NAV3: variants seen among roughly 807,000 people sequenced by gnomAD.
NAV3 encodes the protein neuron navigator 3, also known as pore membrane and/or filament interacting like protein 1.
In NAV3, 87 loss-of-function variants were observed where a neutral mutation model predicts 244.7. That is an observed-to-expected ratio of 0.36 (90% CI 0.30 to 0.42). The LOEUF (loss-of-function observed/expected upper bound fraction) is 0.42, where lower values mean the gene tolerates loss of function less well. Ranked by LOEUF, NAV3 falls within the 20% of genes least tolerant of loss-of-function variation. The pLI is 1.00. For synonymous variants in NAV3, 1,126 were observed against 1,042.2 expected, an observed-to-expected ratio of 1.08 and a Z score of -1.55; for missense variants, 2,663 against 2,893.3, an observed-to-expected ratio of 0.92 and a Z score of 1.83.
chr12:78,022,391 T>C (rs1877311206), intron 9 of NAV3, among the ~76,000 whole-genome samples: 1 of 152,192 alleles, frequency 6.6e-6, no homozygotes, highest in East Asian at 1.9e-4. Flanking sequence ...AGCACAATGT[T>C]TTCTCTAGGG....
intron 38 of NAV3, among the ~76,000 whole-genome samples, chr12:78,203,155 T>C (rs1181665227): frequency 6.6e-6 from 1 of 152,070 alleles, no homozygotes; most frequent in African/African-American, 2.4e-5. Context: ...TATTTAGAGT[T>C]CTCTTTGTTC....
intron 1 of NAV3, among the ~76,000 whole-genome samples, chr12:77,870,445 G>A (rs1880782199): frequency 6.6e-6 from 1 of 151,870 alleles, no homozygotes; most frequent in African/African-American, 2.4e-5. Flanking sequence ...GGACAAATTG[G>A]TATGCTTTAA....
intron 2 of NAV3, among the ~76,000 whole-genome samples, chr12:77,790,417 G>T (rs1871130117): frequency 6.6e-6 from 1 of 152,040 alleles, no homozygotes; most frequent in Non-Finnish European, 1.5e-5. Context: ...GATTGTTCTG[G>T]GTATAAGGTA....
intron 2 of NAV3, among the ~76,000 whole-genome samples, chr12:77,812,027 T>C (rs1872310404): frequency 6.6e-6 from 1 of 152,226 alleles, no homozygotes; most frequent in African/African-American, 2.4e-5. Context: ...TGAATAAATA[T>C]AAGCATAGAT....
At position 77,872,203 on chromosome 12, in the gene NAV3, G is replaced by A. The variant is rs12312638; in HGVS notation, c.243+40499G>A. On this transcript the variant is annotated intron_variant, in intron 1 of 39. Transcript: ENST00000397909. ...TTTACTTGAAATTTTCTTAAATTAA[G>A]AACCACACACATGGTATTCTTGTAT... Among the ~76,000 whole-genome samples, 88 of 152,024 alleles carry A rather than the reference G, an allele frequency of 5.8e-4. 1 individual carries two copies. Among genetic ancestry groups the A allele is most frequent in the Non-Finnish European group, 9.3e-4 (63 of 67,984 alleles).
chr12:77,827,542 T>G (rs2136051477), upstream of NAV3, among the ~76,000 whole-genome samples: 1 of 152,294 alleles, frequency 6.6e-6, no homozygotes, highest in South Asian at 2.1e-4. Flanking sequence ...TCCTGTTAAA[T>G]TTGATAGGAA....
chr12:77,669,933 G>T (rs1443374398), intron 2 of NAV3, among the ~76,000 whole-genome samples: 1 of 151,714 alleles, frequency 6.6e-6, no homozygotes, highest in Non-Finnish European at 1.5e-5. Flanking sequence ...GCCAGCAGAA[G>T]AAAAGAACGA....
intron 2 of NAV3, among the ~76,000 whole-genome samples, chr12:77,754,423 C>G (rs1446124383): frequency 6.6e-6 from 1 of 152,134 alleles, no homozygotes; most frequent in Admixed American, 6.6e-5. Flanking sequence ...TTACCATTTC[C>G]CCACATTGGC....
At chr12:77,975,947 A>T (rs1349816785) in intron 5 of NAV3, among the ~76,000 whole-genome samples, 1 of 152,222 alleles carries the variant, frequency 6.6e-6, no homozygotes, top group East Asian at 1.9e-4. Flanking sequence ...GAAAGTGCAG[A>T]GAGGAAGTTA....
In NAV3 at chr12:77,637,781, C is replaced by T. The variant is rs554517539; in HGVS notation, c.72+65515C>T. Among the ~76,000 whole-genome samples, 11 of 152,250 alleles carry T rather than the reference C, an allele frequency of 7.2e-5. 1 individual carries two copies. The South Asian group carries it at 2.1e-3, about 29-fold the overall frequency. On this transcript the variant is annotated intron_variant, in intron 2 of 8. Transcript: ENST00000550042. ...CAGTATTCTTATTTTAAATGTATTA[C>T]ATTATGTTTCATAATGTTATGTGTT...
In NAV3 at chr12:77,818,219, A is replaced by G. The variant is rs137904647; in HGVS notation, c.73-122100A>G. Among the ~76,000 whole-genome samples, 905 of 152,272 alleles carry G rather than the reference A, an allele frequency of 5.9e-3. 7 individuals are homozygous for G. Among genetic ancestry groups the G allele is most frequent in the South Asian group, 0.016 (77 of 4,820 alleles). The stretch of plus-strand genomic sequence containing the variant: ...TTATTTTCCCTAAAGTTATTATCCT[A>G]TAAATCACAAATATTTTATTTCATA... On this transcript the variant is annotated intron_variant, in intron 2 of 8. Coordinates refer to the NAV3 transcript ENST00000550042.
chr12:77,998,617 C>T lies in NAV3; in HGVS notation c.880+141C>T, dbSNP rs553732872. The T allele has an allele frequency of 1.4e-5, 11 of 776,820 alleles. No individual in the cohort carries two copies. In the African/African-American group the frequency reaches 2.0e-4, roughly 14 times the overall value. 48.1% of individuals were successfully genotyped at this position (776,820 alleles called of 1,614,324 possible). On this transcript the variant is annotated intron_variant, in intron 7 of 39. Coordinates refer to ENST00000397909, the MANE Select transcript of NAV3 (RefSeq NM_001024383.2). ...GTTTCTTTATGTTTCCTAACTGTCC[C>T]CTCCTGACTGCCAGCTTTCTTATCT...
At position 78,205,319 on chromosome 12, in the gene NAV3, T is replaced by C. The variant is rs553456375; in HGVS notation, c.7038+181T>C. Among the ~76,000 whole-genome samples the C allele has an allele frequency of 6.6e-5, 10 of 152,300 alleles. No homozygotes were observed. In the South Asian group the frequency reaches 2.1e-3, roughly 32 times the overall value. Reference sequence around the variant, plus strand: ...TCTTAAAGTGAAAACCAAACTTGTATGCTTAAAAAGAAATCAAGAAATGCT... The same window carrying C: ...TCTTAAAGTGAAAACCAAACTTGTACGCTTAAAAAGAAATCAAGAAATGCT... On this transcript the variant is annotated intron_variant, in intron 39 of 39. Transcript: ENST00000397909.
At chr12:77,983,075 G>A in intron 5 of NAV3, among the ~76,000 whole-genome samples, 1 of 152,308 alleles carries the variant, frequency 6.6e-6, no homozygotes, top group South Asian at 2.1e-4. Context: ...GAAGACTGGA[G>A]AAATAGGCAG....
rs74105000 is a variant in NAV3, at chr12:77,699,306, C to T, written c.72+127040C>T. Among the ~76,000 whole-genome samples the T allele has an allele frequency of 1.1e-3, 162 of 152,258 alleles. 1 individual carries two copies. The highest frequency in any genetic ancestry group is 3.5e-3 in the African/African-American group (144 of 41,572). The stretch of plus-strand genomic sequence containing the variant: ...GTTATTCTCAATGCCCTGGTTCTCA[C>T]AAGTGCCTATTCCTACTGTAGTATT... On this transcript the variant is annotated intron_variant, in intron 2 of 8. Transcript: ENST00000550042.
At chr12:78,026,968 A>G (rs1345948211) in intron 9 of NAV3, among the ~76,000 whole-genome samples, 2 of 152,232 alleles carry the variant, frequency 1.3e-5, no homozygotes, top group Non-Finnish European at 2.9e-5. Flanking sequence ...CTTATGACCA[A>G]TTATACTCAA....
chr12:77,773,659 AG>A (rs1280484922), intron 2 of NAV3, among the ~76,000 whole-genome samples: 1 of 152,198 alleles, frequency 6.6e-6, no homozygotes, highest in Admixed American at 6.5e-5. Flanking sequence ...AGGCAAAAAA[AG>A]AATGCTATTG....
rs144824492 is a variant in NAV3 at position 78,177,844 on chromosome 12, G to A, written c.5363+159G>A. On this transcript the variant is annotated intron_variant, in intron 28 of 39. Transcript: ENST00000397909. ...AAATTTGGTTTCCTAAAATCAACCTGCAATCCAGTTTTCTTTGATTCTATT... is the reference window on the plus strand; with the variant it reads ...AAATTTGGTTTCCTAAAATCAACCTACAATCCAGTTTTCTTTGATTCTATT... 4.4e-3 allele frequency among the ~76,000 whole-genome samples: 668 copies of A among 151,978 alleles called. 1 individual carries two copies. Among genetic ancestry groups the A allele is most frequent in the Non-Finnish European group, 7.7e-3 (522 of 67,964 alleles).
chr12:77,907,227 G>A (rs930128566), intron 1 of NAV3, among the ~76,000 whole-genome samples: 27 of 152,160 alleles, frequency 1.8e-4, no homozygotes, highest in Non-Finnish European at 7.3e-5. Flanking sequence ...AAGGAAGAGC[G>A]TGTACAAGGG....
Sources: allele counts gnomAD v4.1 joint callset (sites outside exome capture counted in the v4.1 genomes callset), GRCh38; gene constraint gnomAD v4.1.1; transcripts MANE v1.5; gene names NCBI Gene and HGNC (gene_info 2026-07-23, HGNC 2026-07-21).